The following WWOX variants were observed in gnomAD, a reference collection of about 807,000 sequenced individuals.
The protein encoded by WWOX is WW domain-containing oxidoreductase.
Under a neutral mutation model 46.2 loss-of-function variants are expected in WWOX, and 69 were observed. That is an observed-to-expected ratio of 1.49 (90% CI 1.23 to 1.82). WWOX has a LOEUF of 1.82. Ranked by LOEUF, WWOX falls within the 40% of genes most tolerant of loss-of-function variation. The pLI, the probability that WWOX is intolerant of heterozygous loss-of-function variation, is 0.00. For missense variants in WWOX, 919 were observed against 542.6 expected, an observed-to-expected ratio of 1.69 and a Z score of -6.89; for synonymous variants, 359 against 202.6, an observed-to-expected ratio of 1.77 and a Z score of -6.56.
rs972499924 is a variant in WWOX at position 78,532,350 on chromosome 16, G to C, written c.1056+99598G>C. Among the ~76,000 whole-genome samples, 5 of 152,204 alleles carry C rather than the reference G, an allele frequency of 3.3e-5. No homozygotes were observed. In the East Asian group the frequency reaches 7.7e-4, roughly 24 times the overall value. ...TCTCTCTGTCTCTTACTTGCTTTGTGGCTTTAGACCAGCCACCCACTCAGA... is the reference window on the plus strand; with the variant it reads ...TCTCTCTGTCTCTTACTTGCTTTGTCGCTTTAGACCAGCCACCCACTCAGA... On this transcript the variant is annotated intron_variant, in intron 8 of 8. Coordinates refer to ENST00000566780, the MANE Select transcript of WWOX (RefSeq NM_016373.4).
chr16:78,563,301 C>A (rs12930179), intron 8 of WWOX, among the ~76,000 whole-genome samples: 23,760 of 152,034 alleles, frequency 0.16, 2,002 homozygotes, highest in South Asian at 0.2. Context: ...CTGCAACTTT[C>A]CTTTTATTTT....
chr16:78,382,057 T>C (rs1372623293), intron 5 of WWOX, among the ~76,000 whole-genome samples: 1 of 152,182 alleles, frequency 6.6e-6, no homozygotes, highest in African/African-American at 2.4e-5. Context: ...ATGGCCCATA[T>C]TCATATGTCT....
intron 8 of WWOX, among the ~76,000 whole-genome samples, chr16:78,900,910 C>T (rs1334819308): frequency 6.6e-6 from 1 of 151,674 alleles, no homozygotes; most frequent in Admixed American, 6.6e-5. Context: ...CAGATTCATC[C>T]CATATTCTCT....
In WWOX at chr16:78,990,396, C is replaced by T. The variant is rs370118540; in HGVS notation, c.1057-221212C>T. Among the ~76,000 whole-genome samples, 66 of 152,262 alleles carry T rather than the reference C, an allele frequency of 4.3e-4. 1 individual carries two copies. In the South Asian group the frequency reaches 6.6e-3, roughly 15 times the overall value. ...TGAGGAGCCTCAACTGTTCTCTGCA[C>T]GACCTAGTTCTGGGCTAGGGAATGG... is the stretch of plus-strand genomic sequence containing the variant. On this transcript the variant is annotated intron_variant, in intron 8 of 8. Coordinates refer to ENST00000566780, the MANE Select transcript of WWOX (RefSeq NM_016373.4).
chr16:78,818,055 A>C (rs1257343954), intron 8 of WWOX, among the ~76,000 whole-genome samples: 1 of 152,204 alleles, frequency 6.6e-6, no homozygotes, highest in Non-Finnish European at 1.5e-5. Flanking sequence ...AGTCAACCTT[A>C]TGAAGCTAAA....
chr16:78,593,613 C>T (rs1246871928), intron 8 of WWOX, among the ~76,000 whole-genome samples: 2 of 152,152 alleles, frequency 1.3e-5, no homozygotes, highest in African/African-American at 2.4e-5. Flanking sequence ...TTTGCTGCCA[C>T]AGTTGACAGG....
At chr16:78,826,031 C>A in intron 8 of WWOX, 1 of 496,184 alleles carries the variant, frequency 2.0e-6, no homozygotes, top group Non-Finnish European at 3.6e-6. Context: ...CAGTTGTATT[C>A]GGAGTCTGGA....
chr16:78,553,634 A>T (rs1205664135), intron 8 of WWOX, among the ~76,000 whole-genome samples: 9 of 152,116 alleles, frequency 5.9e-5, no homozygotes, highest in Non-Finnish European at 1.0e-4. Flanking sequence ...ATGGCGCCCT[A>T]ATAGAAGGAG....
chr16:78,947,433 G>A (rs1439007131), intron 8 of WWOX, among the ~76,000 whole-genome samples: 4 of 152,278 alleles, frequency 2.6e-5, no homozygotes, highest in Non-Finnish European at 5.9e-5. Flanking sequence ...GCTTTTGAGT[G>A]CTAACTGAGA....
At chr16:78,906,633 T>A (rs998875640) in intron 8 of WWOX, among the ~76,000 whole-genome samples, 3 of 152,220 alleles carry the variant, frequency 2.0e-5, no homozygotes, top group Non-Finnish European at 4.4e-5. Context: ...CCAGTCAGCT[T>A]CAGTGATGAT....
intron 8 of WWOX, chr16:78,535,061 T>G (rs1224794242): frequency 6.6e-6 from 1 of 152,296 alleles, no homozygotes; most frequent in Admixed American, 6.5e-5. Context: ...AGCACCCAAG[T>G]TCCTGTCCGC....
At chr16:78,880,992 CTTTTTTTTT>C (rs71140838) in intron 8 of WWOX, among the ~76,000 whole-genome samples, 8 of 113,522 alleles carry the variant, frequency 7.0e-5, no homozygotes, top group Admixed American at 5.1e-4. Flanking sequence ...AATTTTTTTT[CTTTTTTTTT>C]TTTTTTTTTG....
chr16:78,596,348 G>T (rs2045489797), intron 8 of WWOX, among the ~76,000 whole-genome samples: 1 of 152,080 alleles, frequency 6.6e-6, no homozygotes, highest in Non-Finnish European at 1.5e-5. Flanking sequence ...TCAAGGTCTT[G>T]GCCCTTCAAG....
rs147680833 is a variant in WWOX, at chr16:79,038,922, A to T, written c.1057-172686A>T. On this transcript the variant is annotated intron_variant, in intron 8 of 8. Transcript: ENST00000566780. ...AAGCATACATAGAGGATAACTTACA[A>T]ATCTGCATTTCATGACCACATATAT... is the stretch of plus-strand genomic sequence containing the variant. 2.4e-4 allele frequency among the ~76,000 whole-genome samples: 37 copies of T among 152,312 alleles called. 1 individual carries two copies. The East Asian group carries it at 5.4e-3, about 22-fold the overall frequency.
chr16:78,900,712 C>T (rs984625632), intron 8 of WWOX, among the ~76,000 whole-genome samples: 1 of 152,084 alleles, frequency 6.6e-6, no homozygotes, highest in South Asian at 2.1e-4. Context: ...CATTTTGAAT[C>T]AATGGAATCA....
intron 8 of WWOX, among the ~76,000 whole-genome samples, chr16:78,713,829 G>T (rs1343851649): frequency 6.6e-6 from 1 of 152,104 alleles, no homozygotes; most frequent in Admixed American, 6.5e-5. Context: ...AGATAATACA[G>T]TCCCATTCTC....
At position 78,636,567 on chromosome 16, in the gene WWOX, G is replaced by A. The variant is rs752786902; in HGVS notation, c.1056+203815G>A. Among the ~76,000 whole-genome samples the A allele has an allele frequency of 5.9e-5, 9 of 151,974 alleles. 1 individual carries two copies. The highest frequency in any genetic ancestry group is 1.3e-4 in the Non-Finnish European group (9 of 67,990). ...CCCATCCGCCATTCTCAGTCCTTTT[G>A]CTTACTAGTAATGACCCTCTTTTCT... On this transcript the variant is annotated intron_variant, in intron 8 of 8. Coordinates refer to ENST00000566780, the MANE Select transcript of WWOX (RefSeq NM_016373.4).
At chr16:78,848,178 T>G (rs918989897) in intron 8 of WWOX, among the ~76,000 whole-genome samples, 7 of 151,852 alleles carry the variant, frequency 4.6e-5, no homozygotes, top group African/African-American at 7.3e-5. Flanking sequence ...TTTGCAGGGG[T>G]TTAATATCCA....
chr16:78,861,781 T>G (rs1270616765), intron 8 of WWOX, among the ~76,000 whole-genome samples: 1 of 152,240 alleles, frequency 6.6e-6, no homozygotes, highest in Non-Finnish European at 1.5e-5. Context: ...TTGAATAGTT[T>G]CTGTCTTAAA....
Sources: gnomAD v4.1 joint callset for allele counts (sites outside exome capture counted in the v4.1 genomes callset) on GRCh38, gnomAD v4.1.1 for gene constraint, MANE v1.5 for transcripts, NCBI Gene and HGNC (gene_info 2026-07-23, HGNC 2026-07-21) for gene names.